Variants in CSMD3 observed in about 807,000 individuals in gnomAD.
CSMD3 encodes CUB and Sushi multiple domains 3.
Under a neutral mutation model 435.2 loss-of-function variants are expected in CSMD3, and 177 were observed. That is an observed-to-expected ratio of 0.41 (90% CI 0.36 to 0.46). The LOEUF is 0.46. Ranked by LOEUF, CSMD3 falls within the 20% of genes least tolerant of loss-of-function variation. The pLI is 0.34. For missense variants in CSMD3, 4,265 were observed against 4,504.6 expected (o/e 0.95, Z 1.52); for synonymous variants, 1,656 against 1,520.5 (o/e 1.09, Z -2.07).
At chr8:113,092,330 G>A (rs1050616067) in intron 5 of CSMD3, among the ~76,000 whole-genome samples, 8 of 151,910 alleles carry the variant, frequency 5.3e-5, no homozygotes, top group African/African-American at 1.7e-4. Context: ...TCTATAATAT[G>A]TAAAATACTA....
At position 112,463,310 on chromosome 8, in the gene CSMD3, C is replaced by T. The variant is rs146245037; in HGVS notation, c.5395+9281G>A. On this transcript the variant is annotated intron_variant, in intron 32 of 70. Coordinates refer to ENST00000297405, the MANE Select transcript of CSMD3 (RefSeq NM_198123.2). ...CCAAGAGGCAGAGGTTGCAGTGAGC[C>T]GAGGTCATGCCACTGCAATCCAGCC... Among the ~76,000 whole-genome samples, 1,311 of 152,202 alleles carry T rather than the reference C, an allele frequency of 8.6e-3. 17 individuals carry two copies. Among genetic ancestry groups the T allele is most frequent in the African/African-American group, 0.03 (1,263 of 41,526 alleles).
At chr8:113,350,156 G>GC (rs1197178704) in intron 1 of CSMD3, among the ~76,000 whole-genome samples, 1 of 151,926 alleles carries the variant, frequency 6.6e-6, no homozygotes, top group Non-Finnish European at 1.5e-5. Context: ...ATAGATAAAG[G>GC]CATGAGTGAC....
chr8:112,960,122 T>G (rs1032701621), intron 7 of CSMD3, among the ~76,000 whole-genome samples: 2 of 151,806 alleles, frequency 1.3e-5, no homozygotes, highest in African/African-American at 4.8e-5. Flanking sequence ...GATGACTTTT[T>G]TTTGTTTGTT....
Position 112,234,388 on chromosome 8 carries a change from C to T in CSMD3, c.10717G>A (p.Glu3573Lys), listed in dbSNP as rs2129941829. The T allele has an allele frequency of 6.2e-7, 1 of 1,610,240 alleles. No individual in the cohort carries two copies. Among genetic ancestry groups the T allele is most frequent in the South Asian group, 1.1e-5 (1 of 90,988 alleles). Residue 3573 changes from glutamate (E) to lysine (K), a missense_variant, in exon 68 of 71, where the codon GAA (glutamate) becomes AAA (lysine). Physicochemically the swap from Glu to Lys is moderately conservative, Grantham distance 56. Around this residue, in one of 3 missense-constraint regions of CSMD3, gnomAD observed 3,255 missense variants for 3,380.2 expected, o/e 0.96. Transcript: ENST00000297405. The stretch of plus-strand genomic sequence containing the variant: ...ACAAAGCCATCCATTGCCCAATTTT[C>T]TTCCTTCATTTTCTTCACAGAAGCA... ...AHASVKKMKE[E>K]NWAMDGFVSA...
intron 4 of CSMD3, among the ~76,000 whole-genome samples, chr8:113,117,154 C>T (rs2090854680): frequency 6.6e-6 from 1 of 152,184 alleles, no homozygotes; most frequent in Admixed American, 6.5e-5. Flanking sequence ...GATGTCTTCA[C>T]AACAGCCCTT....
chr8:113,032,173 C>T (rs956638069), intron 5 of CSMD3, among the ~76,000 whole-genome samples: 2 of 151,516 alleles, frequency 1.3e-5, no homozygotes, highest in Non-Finnish European at 2.9e-5. Flanking sequence ...CGAGTTACTC[C>T]TATAAAGATA....
chr8:113,390,502 TTTAA>T (rs1230400513), intron 1 of CSMD3, among the ~76,000 whole-genome samples: 12 of 152,002 alleles, frequency 7.9e-5, no homozygotes, highest in African/African-American at 2.4e-4. Context: ...ACATCACATT[TTTAA>T]TTAATTAATT....
chr8:112,899,837 A>T (rs2082060838), intron 10 of CSMD3, among the ~76,000 whole-genome samples: 1 of 149,018 alleles, frequency 6.7e-6, no homozygotes, highest in Admixed American at 6.8e-5. Flanking sequence ...ATATATGGAG[A>T]GAGAGAGAGA....
chr8:112,711,540 A>G (rs1453256153), intron 13 of CSMD3, among the ~76,000 whole-genome samples: 1 of 152,082 alleles, frequency 6.6e-6, no homozygotes, highest in Non-Finnish European at 1.5e-5. Context: ...TTTTATTTTC[A>G]TGAATCATAA....
chr8:112,906,644 C>A (rs998868640), intron 10 of CSMD3, among the ~76,000 whole-genome samples: 2 of 151,404 alleles, frequency 1.3e-5, no homozygotes, highest in African/African-American at 4.8e-5. Context: ...TTAGATCTTC[C>A]TTTTCTCATA....
Position 112,546,383 on chromosome 8 carries a change from G to A in CSMD3, c.4564+4288C>T, listed in dbSNP as rs1827183251. 3.3e-5 allele frequency among the ~76,000 whole-genome samples: 5 copies of A among 152,180 alleles called. No individual in the cohort carries two copies. In the South Asian group the frequency reaches 1.0e-3, roughly 32 times the overall value. On this transcript the variant is annotated intron_variant, in intron 27 of 70. Transcript: ENST00000297405. The stretch of plus-strand genomic sequence containing the variant: ...GTGGCTAGTCGACTGTTAGAGCAGT[G>A]CAGGGAACAATAATAAGGATGAGAA...
intron 11 of CSMD3, among the ~76,000 whole-genome samples, chr8:112,848,349 A>G (rs2080387833): frequency 6.6e-6 from 1 of 152,148 alleles, no homozygotes; most frequent in Non-Finnish European, 1.5e-5. Flanking sequence ...TTGTGCACTC[A>G]TCTTAGACTG....
chr8:112,277,342 G>A (rs1818166149), intron 59 of CSMD3, among the ~76,000 whole-genome samples: 1 of 152,160 alleles, frequency 6.6e-6, no homozygotes, highest in Non-Finnish European at 1.5e-5. Flanking sequence ...AATGCTGCCA[G>A]TCTCTTTACT....
intron 5 of CSMD3, among the ~76,000 whole-genome samples, chr8:113,022,003 G>A (rs555104260): frequency 9.9e-5 from 15 of 152,224 alleles, no homozygotes; most frequent in South Asian, 8.3e-4. Flanking sequence ...GGTTATAGGC[G>A]AGTCACATGG....
At chr8:113,005,037 T>C (rs2086005001) in intron 6 of CSMD3, among the ~76,000 whole-genome samples, 1 of 151,822 alleles carries the variant, frequency 6.6e-6, no homozygotes, top group African/African-American at 2.4e-5. Context: ...ATATTCCAAA[T>C]GATATATATG....
chr8:112,405,809 A>T (rs944506318), intron 35 of CSMD3, among the ~76,000 whole-genome samples: 1 of 152,068 alleles, frequency 6.6e-6, no homozygotes, highest in East Asian at 1.9e-4. Context: ...CAGCTTTTGG[A>T]TTCTTAAAAG....
intron 65 of CSMD3, among the ~76,000 whole-genome samples, chr8:112,242,275 G>A (rs548395981): frequency 6.6e-6 from 1 of 152,258 alleles, no homozygotes; most frequent in Non-Finnish European, 1.5e-5. Context: ...AAAACCAAAG[G>A]TAGTCCAAAA....
At chr8:112,402,799 T>C (rs1459582689) in intron 35 of CSMD3, among the ~76,000 whole-genome samples, 1 of 152,212 alleles carries the variant, frequency 6.6e-6, no homozygotes, top group Admixed American at 6.5e-5. Context: ...TTTCAAGCAA[T>C]GTAATTTCCA....
chr8:113,319,847 C>T (rs2093937138), intron 1 of CSMD3, among the ~76,000 whole-genome samples: 1 of 152,016 alleles, frequency 6.6e-6, no homozygotes, highest in Admixed American at 6.6e-5. Context: ...GTTATTCTTG[C>T]TCATTGTTCT....
Sources: allele counts gnomAD v4.1 joint callset (sites outside exome capture counted in the v4.1 genomes callset), GRCh38; gene constraint gnomAD v4.1.1; regional missense constraint gnomAD v4.1.1; transcripts MANE v1.5; gene names NCBI Gene and HGNC (gene_info 2026-07-23, HGNC 2026-07-21).